MEGF10: variants seen among roughly 807,000 people sequenced by gnomAD.
MEGF10 encodes the protein multiple epidermal growth factor-like domains protein 10.
In MEGF10, 86 loss-of-function variants were observed where a neutral mutation model predicts 147.5. The ratio of observed to expected loss-of-function variants is 0.58; its 90% CI spans 0.49 to 0.70. The LOEUF (loss-of-function observed/expected upper bound fraction) is 0.70. MEGF10 is among the 30% of genes least tolerant of loss of function. The probability of loss-of-function intolerance (pLI) is 0.00; values close to 1 mark genes in which losing one functional copy is unlikely to be tolerated. For missense variants in MEGF10, 1,329 were observed against 1,487.3 expected, an observed-to-expected ratio of 0.89 and a Z score of 1.75; for synonymous variants, 478 against 525.5, an observed-to-expected ratio of 0.91 and a Z score of 1.24.
At chr5:127,331,796 T>A (rs528888221) in intron 2 of MEGF10, among the ~76,000 whole-genome samples, 18 of 152,130 alleles carry the variant, frequency 1.2e-4, no homozygotes, top group Non-Finnish European at 2.4e-4. Flanking sequence ...CAGCATGAGA[T>A]AATATACTAA....
the MEGF10 span, among the ~76,000 whole-genome samples, chr5:127,278,503 T>A: frequency 2.6e-5 from 4 of 152,042 alleles, no homozygotes; most frequent in Non-Finnish European, 5.9e-5. Flanking sequence ...TTTTTTTAAG[T>A]GGAAGAAATA....
chr5:127,434,811 C>T lies in MEGF10; in HGVS notation c.1965C>T (p.Leu655=). ...CDCLPGFTGA[L]CNEVCPSGRF... is the part of the protein sequence containing the mutation. ...GCTTGCCTGGCTTCACAGGCGCCCT[C>T]TGCAATGAAGGTAAGGCACGAAGCA... The change falls in exon 15 of 25, where the codon CTC becomes CTT. Residue 655 remains leucine (L), a synonymous_variant. Transcript: ENST00000503335. The T allele has an allele frequency of 6.2e-7, 1 of 1,613,068 alleles. No homozygotes were observed. The highest frequency in any genetic ancestry group is 1.1e-5 in the South Asian group (1 of 91,062).
chr5:127,346,419 A>G (rs182973284), intron 4 of MEGF10, among the ~76,000 whole-genome samples: 6 of 152,260 alleles, frequency 3.9e-5, no homozygotes, highest in Admixed American at 3.3e-4. Context: ...GTAAGGCGGT[A>G]TCATATTATG....
chr5:127,437,271 A>G (rs1203799897), intron 16 of MEGF10, among the ~76,000 whole-genome samples: 1 of 152,174 alleles, frequency 6.6e-6, no homozygotes, highest in Non-Finnish European at 1.5e-5. Context: ...TTATTAATCT[A>G]TGTGACCTTG....
intron 5 of MEGF10, among the ~76,000 whole-genome samples, chr5:127,374,043 G>A (rs966740161): frequency 6.6e-6 from 1 of 152,230 alleles, no homozygotes; most frequent in African/African-American, 2.4e-5. Flanking sequence ...TGGCTGATGG[G>A]TGCAGCTAGC....
At position 127,391,102 on chromosome 5, in the gene MEGF10, GCACACACACACACA is replaced by G. The variant is rs70997334; in HGVS notation, c.413-5391_413-5378del. On this transcript the variant is annotated intron_variant, in intron 5 of 24. Transcript: ENST00000503335. ...CATACACACATGCGCGCGCGCGCGC[GCACACACACACACA>G]CACACACACACACACACACACACAC... is the stretch of plus-strand genomic sequence containing the variant. Among the ~76,000 whole-genome samples the G allele has an allele frequency of 1.4e-3, 74 of 53,934 alleles. 3 individuals carry two copies. Among genetic ancestry groups the G allele is most frequent in the South Asian group, 9.4e-3 (16 of 1,698 alleles). The allele number at this position is 53,934 out of a possible 152,430, so 35.4% of individuals were successfully genotyped here. A position where few individuals can be genotyped will look rare whatever the true frequency, so the allele number is the denominator to read the frequency against.
At chr5:127,232,637 T>C in the MEGF10 span, among the ~76,000 whole-genome samples, 1 of 152,078 alleles carries the variant, frequency 6.6e-6, no homozygotes, top group Non-Finnish European at 1.5e-5. Context: ...ACAGGGTAAA[T>C]GTCCCAAGAG....
the MEGF10 span, among the ~76,000 whole-genome samples, chr5:127,254,658 A>G: frequency 6.6e-6 from 1 of 151,710 alleles, no homozygotes; most frequent in Non-Finnish European, 1.5e-5. Context: ...TAAAAATACA[A>G]AAATTAGCCG....
chr5:127,308,303 C>T (rs1760106815), intron 1 of MEGF10, among the ~76,000 whole-genome samples: 2 of 152,074 alleles, frequency 1.3e-5, no homozygotes, highest in African/African-American at 2.4e-5. Context: ...TCCTTTAAAA[C>T]CTCAAATTCC....
At chr5:127,456,453 G>T (rs951936666) in intron 24 of MEGF10, among the ~76,000 whole-genome samples, 1 of 151,808 alleles carries the variant, frequency 6.6e-6, no homozygotes, top group Non-Finnish European at 1.5e-5. Flanking sequence ...CTATTTCTAT[G>T]TCTCTCTGAG....
chr5:127,456,824 C>A (rs1263467143), intron 24 of MEGF10, among the ~76,000 whole-genome samples: 1 of 152,100 alleles, frequency 6.6e-6, no homozygotes, highest in Non-Finnish European at 1.5e-5. Flanking sequence ...CTTGGCCTAC[C>A]TTATCCCCAA....
chr5:127,268,542 G>T, the MEGF10 span, among the ~76,000 whole-genome samples: 3 of 152,114 alleles, frequency 2.0e-5, no homozygotes, highest in Non-Finnish European at 2.9e-5. Context: ...GGCTGGGGGA[G>T]GGGCGCCCAC....
At chr5:127,438,060 A>G (rs1765622714) in intron 16 of MEGF10, among the ~76,000 whole-genome samples, 2 of 152,178 alleles carry the variant, frequency 1.3e-5, no homozygotes, top group Admixed American at 6.5e-5. Flanking sequence ...CCCCTACCAA[A>G]ATAGAAGCTT....
chr5:127,309,947 CTCTTTCTT>C lies in MEGF10; in HGVS notation c.-19+18934_-19+18941del, dbSNP rs745938777. ...TCCAATTTTTCCACATCCTTGCCAA[CTCTTTCTT>C]TCTTTCTTTCTTTCTTTCTTTCTTT... is the stretch of plus-strand genomic sequence containing the variant. On this transcript the variant is annotated intron_variant, in intron 1 of 24. Transcript: ENST00000503335. Among the ~76,000 whole-genome samples the C allele has an allele frequency of 3.5e-3, 316 of 90,462 alleles. 3 individuals carry two copies. Among genetic ancestry groups the C allele is most frequent in the Non-Finnish European group, 5.7e-3 (244 of 43,162 alleles). The allele number at this position is 90,462 out of a possible 152,430, so 59.3% of individuals were successfully genotyped here. A position where few individuals can be genotyped will look rare whatever the true frequency, so the allele number is the denominator to read the frequency against.
chr5:127,231,052 T>C, the MEGF10 span, among the ~76,000 whole-genome samples: 1 of 152,104 alleles, frequency 6.6e-6, no homozygotes, highest in African/African-American at 2.4e-5. Context: ...CCACTACCTC[T>C]TACACGGGAT....
chr5:127,391,087 T>TGC lies in MEGF10; in HGVS notation c.413-5430_413-5429dup, dbSNP rs139002719. On this transcript the variant is annotated intron_variant, in intron 5 of 24. Coordinates refer to ENST00000503335, the MANE Select transcript of MEGF10 (RefSeq NM_001256545.2). ...GTGTATATATACATACATACACACATGCGCGCGCGCGCGCGCACACACACA... is the reference window on the plus strand; with the variant it reads ...GTGTATATATACATACATACACACATGCGCGCGCGCGCGCGCGCACACACACA... Among the ~76,000 whole-genome samples the TGC allele has an allele frequency of 8.2e-3, 1,084 of 131,890 alleles. 17 individuals are homozygous for TGC. Among genetic ancestry groups the TGC allele is most frequent in the South Asian group, 0.025 (94 of 3,792 alleles). 86.5% of individuals were successfully genotyped at this position (131,890 alleles called of 152,430 possible).
At chr5:127,398,314 A>G (rs946344281) in intron 6 of MEGF10, among the ~76,000 whole-genome samples, 16 of 152,214 alleles carry the variant, frequency 1.1e-4, no homozygotes, top group African/African-American at 3.9e-4. Flanking sequence ...TTGGGAACAG[A>G]ACAAACATAT....
intron 17 of MEGF10, among the ~76,000 whole-genome samples, chr5:127,439,489 T>G (rs1765678615): frequency 6.6e-6 from 1 of 152,190 alleles, no homozygotes; most frequent in Non-Finnish European, 1.5e-5. Context: ...TAGAAGATAA[T>G]GTAGACCTTG....
Position 127,449,095 on chromosome 5 carries a change from A to G in MEGF10, c.2857-4A>G. ...TAATCTTTCGTTGTTTATATTTTTA[A>G]CAGTCAAAAAACAATCAACTGTTTG... On this transcript the variant is annotated splice_region_variant and splice_polypyrimidine_tract_variant and intron_variant, in intron 21 of 24. Coordinates refer to ENST00000503335, the MANE Select transcript of MEGF10 (RefSeq NM_001256545.2). The G allele has an allele frequency of 4.3e-6, 7 of 1,613,908 alleles. No homozygotes were observed. Among genetic ancestry groups the G allele is most frequent in the Non-Finnish European group, 5.9e-6 (7 of 1,179,930 alleles).
Sources: allele counts gnomAD v4.1 joint callset (sites outside exome capture counted in the v4.1 genomes callset), GRCh38; gene constraint gnomAD v4.1.1; transcripts MANE v1.5; gene names NCBI Gene and HGNC (gene_info 2026-07-23, HGNC 2026-07-21).